ASPRV1: variants seen among roughly 807,000 people sequenced by gnomAD.
ASPRV1 encodes aspartic peptidase retroviral like 1.
A neutral mutation model predicts 11.0 loss-of-function variants in ASPRV1; 7 were observed. The observed-to-expected ratio is 0.64, with a 90% CI of 0.36 to 1.20. The LOEUF (loss-of-function observed/expected upper bound fraction) is 1.20. Among genes scored for constraint, ASPRV1 ranks in the 50% most tolerant of loss-of-function variants. The pLI is 0.02. For missense variants in ASPRV1, 299 were observed against 320.0 expected (o/e 0.93, Z 0.50); for synonymous variants, 136 against 138.4 (o/e 0.98, Z 0.12).
the ASPRV1 span, among the ~76,000 whole-genome samples, chr2:70,025,444 A>G: frequency 6.6e-6 from 1 of 152,098 alleles, no homozygotes; most frequent in South Asian, 2.1e-4. Flanking sequence ...AGGAGGAGGA[A>G]GAGAAGGGAA....
chr2:70,039,053 G>A, the ASPRV1 span, among the ~76,000 whole-genome samples: 29 of 151,102 alleles, frequency 1.9e-4, no homozygotes, highest in African/African-American at 4.4e-4. Flanking sequence ...CACTCCAGCC[G>A]GGGCAACGAA....
the ASPRV1 span, among the ~76,000 whole-genome samples, chr2:70,076,958 C>T: frequency 5.3e-4 from 80 of 152,252 alleles, 1 homozygote; most frequent in African/African-American, 1.9e-3. Flanking sequence ...GTAAGTCAAA[C>T]CACTGTAAGT....
the ASPRV1 span, among the ~76,000 whole-genome samples, chr2:70,078,005 A>T: frequency 6.6e-6 from 1 of 151,734 alleles, no homozygotes; most frequent in Admixed American, 6.6e-5. Context: ...CGTCTCTACT[A>T]AAAATACAAA....
At chr2:69,952,846 C>T in the ASPRV1 span, among the ~76,000 whole-genome samples, 1 of 152,188 alleles carries the variant, frequency 6.6e-6, no homozygotes, top group Non-Finnish European at 1.5e-5. Context: ...ACCTGTCCCT[C>T]TCTCACCTCC....
At chr2:70,068,751 T>A in the ASPRV1 span, among the ~76,000 whole-genome samples, 3 of 147,256 alleles carry the variant, frequency 2.0e-5, no homozygotes, top group East Asian at 2.0e-4. Context: ...CTGACCAACA[T>A]GGAGAAAACG....
chr2:69,964,992 C>T (rs1017077450), upstream of ASPRV1, among the ~76,000 whole-genome samples: 4 of 152,186 alleles, frequency 2.6e-5, no homozygotes, highest in Admixed American at 6.5e-5. Context: ...CTGGGCCCAT[C>T]GGGCCTCCTG....
chr2:70,054,954 A>G, the ASPRV1 span, among the ~76,000 whole-genome samples: 103 of 152,238 alleles, frequency 6.8e-4, no homozygotes, highest in African/African-American at 2.4e-3. Flanking sequence ...TATACGTACA[A>G]TGTTTATACC....
chr2:69,965,075 T>G (rs1678290184), upstream of ASPRV1, among the ~76,000 whole-genome samples: 1 of 152,038 alleles, frequency 6.6e-6, no homozygotes, highest in Non-Finnish European at 1.5e-5. Context: ...TGAGATGGAG[T>G]CTCACTCTGT....
At chr2:70,055,850 G>A in the ASPRV1 span, 3 of 152,108 alleles carry the variant, frequency 2.0e-5, no homozygotes, top group African/African-American at 7.2e-5. Flanking sequence ...GGCCAAGACG[G>A]GAGGATCGCT....
chr2:70,026,610 AAAAAT>A, the ASPRV1 span, among the ~76,000 whole-genome samples: 3 of 152,028 alleles, frequency 2.0e-5, no homozygotes, highest in Non-Finnish European at 4.4e-5. Context: ...AATAGCAAAA[AAAAAT>A]AAAATAAAAT....
At chr2:70,053,944 T>A in the ASPRV1 span, 2 of 152,276 alleles carry the variant, frequency 1.3e-5, no homozygotes, top group African/African-American at 4.8e-5. Flanking sequence ...ACTCGTATTA[T>A]GCTCATCACT....
the ASPRV1 span, among the ~76,000 whole-genome samples, chr2:69,946,474 G>T: frequency 6.6e-6 from 1 of 152,190 alleles, no homozygotes; most frequent in Admixed American, 6.5e-5. Flanking sequence ...AGGGCTGCTA[G>T]GGGGATTAAG....
At chr2:70,069,588 G>A in the ASPRV1 span, among the ~76,000 whole-genome samples, 1 of 152,170 alleles carries the variant, frequency 6.6e-6, no homozygotes, top group South Asian at 2.1e-4. Context: ...AGATACCAGG[G>A]AACTTGCGAA....
At chr2:69,992,300 C>A in the ASPRV1 span, among the ~76,000 whole-genome samples, 1 of 152,206 alleles carries the variant, frequency 6.6e-6, no homozygotes, top group African/African-American at 2.4e-5. Context: ...TCCAAACAGA[C>A]CAATAAGGAA....
chr2:70,066,305 C>T, the ASPRV1 span, among the ~76,000 whole-genome samples: 6 of 151,670 alleles, frequency 4.0e-5, no homozygotes, highest in Non-Finnish European at 8.8e-5. Context: ...ATGGCGCAAT[C>T]TCAGCTCACT....
chr2:70,004,815 C>G, the ASPRV1 span, among the ~76,000 whole-genome samples: 1 of 152,240 alleles, frequency 6.6e-6, no homozygotes, highest in South Asian at 2.1e-4. Context: ...CTTGAACCAG[C>G]CTTGGGCCTC....
the ASPRV1 span, among the ~76,000 whole-genome samples, chr2:69,952,959 C>G: frequency 1.3e-5 from 2 of 152,222 alleles, no homozygotes; most frequent in Non-Finnish European, 2.9e-5. Context: ...CGTACCAGGG[C>G]AGCACAGAAC....
At chr2:70,083,585 G>C in the ASPRV1 span, 2 of 152,098 alleles carry the variant, frequency 1.3e-5, no homozygotes, top group African/African-American at 2.4e-5. Context: ...TCCAGGCAGG[G>C]GTGGGGCAGT....
At chr2:70,082,693 A>G in the ASPRV1 span, among the ~76,000 whole-genome samples, 1 of 152,162 alleles carries the variant, frequency 6.6e-6, no homozygotes, top group Non-Finnish European at 1.5e-5. Context: ...CTGGGCAACA[A>G]GCGCGAAACT....
Sources: gnomAD v4.1 joint callset for allele counts (sites outside exome capture counted in the v4.1 genomes callset) on GRCh38, gnomAD v4.1.1 for gene constraint, MANE v1.5 for transcripts, NCBI Gene and HGNC (gene_info 2026-07-23, HGNC 2026-07-21) for gene names.